The following DNAH11 variants were observed in gnomAD, a reference collection of about 807,000 sequenced individuals.
DNAH11 encodes axonemal beta dynein heavy chain 11.
Under a neutral mutation model 526.0 loss-of-function variants are expected in DNAH11, and 442 were observed. The ratio of observed to expected loss-of-function variants is 0.84; its 90% CI spans 0.78 to 0.91. The LOEUF (loss-of-function observed/expected upper bound fraction) is 0.91. DNAH11 is among the 40% of genes least tolerant of loss of function. The pLI, the probability that DNAH11 is intolerant of heterozygous loss-of-function variation, is 0.00. For synonymous variants in DNAH11, 2,461 were observed against 1,935.9 expected, an observed-to-expected ratio of 1.27 and a Z score of -7.12; for missense variants, 6,989 against 5,448.7, an observed-to-expected ratio of 1.28 and a Z score of -8.90.
intron 68 of DNAH11, among the ~76,000 whole-genome samples, chr7:21,860,570 G>T (rs10950880): frequency 0.79 from 120,355 of 152,166 alleles, 47,896 homozygotes; most frequent in Non-Finnish European, 0.83. Context: ...ATGAATAGAT[G>T]AATCAAATGT....
chr7:21,732,054 C>G (rs930089849), intron 45 of DNAH11, among the ~76,000 whole-genome samples: 1 of 152,136 alleles, frequency 6.6e-6, no homozygotes. Context: ...TCCCTGGGAG[C>G]CTTGGAACAT....
chr7:21,693,448 G>T (rs922446807), intron 35 of DNAH11, among the ~76,000 whole-genome samples: 2 of 152,138 alleles, frequency 1.3e-5, no homozygotes, highest in Admixed American at 6.5e-5. Flanking sequence ...TAAAATTTTT[G>T]TCTGGCTTTG....
intron 28 of DNAH11, among the ~76,000 whole-genome samples, chr7:21,654,378 T>C (rs7809261): frequency 0.37 from 55,898 of 152,100 alleles, 12,090 homozygotes; most frequent in Non-Finnish European, 0.49. Context: ...ATTTAGCTTA[T>C]ATTTTCAAGA....
At chr7:21,554,170 ATTTTTT>A (rs746086141) in intron 2 of DNAH11, among the ~76,000 whole-genome samples, 5 of 110,362 alleles carry the variant, frequency 4.5e-5, no homozygotes, top group African/African-American at 1.0e-4. Context: ...GTTCTCTGGG[ATTTTTT>A]TTTTTTTTTT....
At chr7:21,834,551 T>C (rs1781918390) in intron 65 of DNAH11, among the ~76,000 whole-genome samples, 1 of 152,144 alleles carries the variant, frequency 6.6e-6, no homozygotes. Flanking sequence ...GTTGGTTTTC[T>C]TGAAAAGTTA....
At chr7:21,797,479 A>G (rs1307681936) in intron 61 of DNAH11, among the ~76,000 whole-genome samples, 1 of 149,642 alleles carries the variant, frequency 6.7e-6, no homozygotes, top group Non-Finnish European at 1.5e-5. Flanking sequence ...TCGGCCTCCC[A>G]AAATGCTGGG....
At chr7:21,679,372 A>G (rs1409329380) in intron 30 of DNAH11, among the ~76,000 whole-genome samples, 2 of 152,224 alleles carry the variant, frequency 1.3e-5, no homozygotes, top group African/African-American at 4.8e-5. Context: ...ATTTGCTAAG[A>G]GAGTAAATAT....
At chr7:21,788,735 C>T (rs993875199) in intron 60 of DNAH11, among the ~76,000 whole-genome samples, 4 of 152,148 alleles carry the variant, frequency 2.6e-5, no homozygotes, top group African/African-American at 9.7e-5. Flanking sequence ...TTTTTCCACA[C>T]TTATTTTCTG....
At chr7:21,548,184 C>T (rs768579027) in intron 2 of DNAH11, among the ~76,000 whole-genome samples, 9 of 129,738 alleles carry the variant, frequency 6.9e-5, no homozygotes, top group African/African-American at 2.4e-4. Flanking sequence ...CCATCTGGGG[C>T]GGTATTCTTG....
intron 2 of DNAH11, among the ~76,000 whole-genome samples, chr7:21,556,503 A>G (rs1451867854): frequency 6.6e-6 from 1 of 152,202 alleles, no homozygotes; most frequent in Non-Finnish European, 1.5e-5. Context: ...TGTTCAGCCC[A>G]ACAAATCTAA....
chr7:21,781,746 A>G (rs1379394305), intron 57 of DNAH11, among the ~76,000 whole-genome samples: 1 of 152,204 alleles, frequency 6.6e-6, no homozygotes, highest in Non-Finnish European at 1.5e-5. Context: ...TAAGGCTGCC[A>G]TGACAAAAAT....
chr7:21,849,010 C>T (rs765710997), intron 66 of DNAH11, among the ~76,000 whole-genome samples: 1 of 152,238 alleles, frequency 6.6e-6, no homozygotes, highest in South Asian at 2.1e-4. Flanking sequence ...CTCAGCCTCC[C>T]GAGTAGCTGG....
At chr7:21,859,192 C>A (rs1782964220) in intron 68 of DNAH11, among the ~76,000 whole-genome samples, 1 of 152,104 alleles carries the variant, frequency 6.6e-6, no homozygotes, top group Non-Finnish European at 1.5e-5. Flanking sequence ...CGGCTCACTG[C>A]AATCTCCACC....
At chr7:21,719,366 G>A (rs1359574535) in intron 43 of DNAH11, among the ~76,000 whole-genome samples, 1 of 152,162 alleles carries the variant, frequency 6.6e-6, no homozygotes, top group African/African-American at 2.4e-5. Flanking sequence ...AACTCTTTCA[G>A]ATTACTCATT....
chr7:21,739,014 A>G (rs1487061279), intron 47 of DNAH11, 148 bp downstream of exon 47: 5 of 825,488 alleles, frequency 6.1e-6, no homozygotes, highest in South Asian at 2.5e-5. Flanking sequence ...GTTTCTTCTA[A>G]GGAATATCTT....
Position 21,739,549 on chromosome 7 carries a change from G to T in DNAH11, c.7812-22G>T, listed in dbSNP as rs1334620196. ...TGTCATCTCCAGTTTTTGGATTTAAGGTTCTGTTTTCTGTCTTTCAGGTAT... is the reference window on the plus strand; with the variant it reads ...TGTCATCTCCAGTTTTTGGATTTAATGTTCTGTTTTCTGTCTTTCAGGTAT... On this transcript the variant is annotated intron_variant, in intron 47 of 81. Transcript: ENST00000409508. The T allele has an allele frequency of 3.1e-6, 5 of 1,594,904 alleles. No homozygotes were observed. The East Asian group carries it at 6.7e-5, about 21-fold the overall frequency.
rs768624169 is a variant in DNAH11, at chr7:21,901,088, C to CAA, written c.13388_13389dup (p.Ala4464LysfsTer23). On this transcript the variant is annotated frameshift_variant, in exon 82 of 82. Coordinates refer to ENST00000409508, the MANE Select transcript of DNAH11 (RefSeq NM_001277115.2). LOFTEE classifies it high-confidence loss of function. ...GCATGCCCTATGCCGGTCATCTTTG[C>CAA]AAAAGCCACCCCCGTGGACAGACAA... The CAA allele has an allele frequency of 1.9e-6, 3 of 1,613,966 alleles. No homozygotes were observed. The highest frequency in any genetic ancestry group is 2.5e-6 in the Non-Finnish European group (3 of 1,179,842).
chr7:21,571,916 G>T lies in DNAH11; in HGVS notation c.1536G>T (p.Met512Ile). The change falls in exon 8 of 82, where the codon ATG (methionine) becomes ATT (isoleucine). Residue 512 changes from methionine (M) to isoleucine (I), a missense_variant. Coordinates refer to ENST00000409508, the MANE Select transcript of DNAH11 (RefSeq NM_001277115.2). The part of the protein sequence containing the change: ...GQVHEMSEEL[M>I]ELCKLFKQST... The stretch of plus-strand genomic sequence containing the variant: ...TCCACGAGATGAGTGAAGAACTTAT[G>T]GAACTCTGTAAACTTTTTAAACAGA... 6.2e-7 allele frequency: 1 copy of T among 1,611,558 alleles called. No individual in the cohort carries two copies. Among genetic ancestry groups the T allele is most frequent in the Non-Finnish European group, 8.5e-7 (1 of 1,178,964 alleles).
At chr7:21,565,313 T>G (rs927006789) in intron 6 of DNAH11, among the ~76,000 whole-genome samples, 3 of 152,134 alleles carry the variant, frequency 2.0e-5, no homozygotes, top group African/African-American at 7.2e-5. Flanking sequence ...CTTTACAACC[T>G]CATTTAATCA....
Sources: allele counts gnomAD v4.1 joint callset (sites outside exome capture counted in the v4.1 genomes callset), GRCh38; gene constraint gnomAD v4.1.1; transcripts MANE v1.5; gene names NCBI Gene and HGNC (gene_info 2026-07-23, HGNC 2026-07-21).